The following CNTNAP2 variants were observed in gnomAD, a reference collection of about 807,000 sequenced individuals.
CNTNAP2 encodes the protein contactin associated protein 2.
Under a neutral mutation model 155.2 loss-of-function variants are expected in CNTNAP2, and 98 were observed. The observed-to-expected ratio is 0.63, with a 90% CI of 0.54 to 0.75. The LOEUF is 0.75. Among genes scored for constraint, CNTNAP2 ranks in the 30% least tolerant of loss-of-function variants. The probability of loss-of-function intolerance (pLI) is 0.00; values close to 1 mark genes in which losing one functional copy is unlikely to be tolerated. For synonymous variants in CNTNAP2, 651 were observed against 631.2 expected (o/e 1.03, Z -0.47); for missense variants, 1,727 against 1,688.1 (o/e 1.02, Z -0.40).
At chr7:147,189,043 A>G (rs895462092) in intron 8 of CNTNAP2, among the ~76,000 whole-genome samples, 60 of 152,190 alleles carry the variant, frequency 3.9e-4, no homozygotes, top group African/African-American at 1.4e-3. Flanking sequence ...GCAGTTGTAA[A>G]GAAAACAGAA....
chr7:146,638,222 C>A (rs998038841), intron 1 of CNTNAP2, among the ~76,000 whole-genome samples: 1 of 152,112 alleles, frequency 6.6e-6, no homozygotes, highest in Non-Finnish European at 1.5e-5. Flanking sequence ...AAACAATGAA[C>A]TGACAGTGAC....
intron 13 of CNTNAP2, among the ~76,000 whole-genome samples, chr7:147,694,934 T>A (rs1181874259): frequency 6.6e-6 from 1 of 152,216 alleles, no homozygotes; most frequent in Non-Finnish European, 1.5e-5. Context: ...GAAGTTTATA[T>A]GGCTGATTTT....
At chr7:148,242,136 G>C (rs1796168534) in intron 20 of CNTNAP2, among the ~76,000 whole-genome samples, 1 of 152,158 alleles carries the variant, frequency 6.6e-6, no homozygotes, top group Non-Finnish European at 1.5e-5. Context: ...GAAAACTAAA[G>C]TCCAATCTGC....
chr7:146,796,016 A>C (rs368639338), intron 2 of CNTNAP2, among the ~76,000 whole-genome samples: 14 of 152,246 alleles, frequency 9.2e-5, no homozygotes, highest in Admixed American at 8.5e-4. Flanking sequence ...AAAAATCATA[A>C]TGTTGATTAA....
At chr7:147,483,990 G>A (rs1006014934) in intron 10 of CNTNAP2, among the ~76,000 whole-genome samples, 3 of 130,428 alleles carry the variant, frequency 2.3e-5, no homozygotes, top group African/African-American at 8.9e-5. Context: ...TTCTTTTCAG[G>A]CCCGGGTGAA....
rs1800179409 is a variant in CNTNAP2 at position 146,277,254 on chromosome 7, T to C, written c.97+160281T>C. Reference sequence around the variant, plus strand: ...ACCTTGATTTTTGAACTTCTGGCTTTCAGAACTGTCAGAGAATATGTTTCT... The same window carrying C: ...ACCTTGATTTTTGAACTTCTGGCTTCCAGAACTGTCAGAGAATATGTTTCT... On this transcript the variant is annotated intron_variant, in intron 1 of 23. Coordinates refer to ENST00000361727, the MANE Select transcript of CNTNAP2 (RefSeq NM_014141.6). Among the ~76,000 whole-genome samples the C allele has an allele frequency of 2.0e-5, 3 of 152,134 alleles. No homozygotes were observed. In the South Asian group the frequency reaches 6.2e-4, roughly 32 times the overall value.
At chr7:147,527,010 C>T (rs1391989052) in intron 11 of CNTNAP2, among the ~76,000 whole-genome samples, 1 of 115,754 alleles carries the variant, frequency 8.6e-6, no homozygotes, top group African/African-American at 4.7e-5. Context: ...GGAAGACAGG[C>T]ATTTCTTTTT....
At chr7:147,234,683 T>C (rs1176281001) in intron 8 of CNTNAP2, among the ~76,000 whole-genome samples, 2 of 152,162 alleles carry the variant, frequency 1.3e-5, no homozygotes, top group East Asian at 3.9e-4. Flanking sequence ...GAGTCACATG[T>C]TGCAGCGAGT....
At chr7:147,115,608 CT>C (rs534974773) in intron 5 of CNTNAP2, among the ~76,000 whole-genome samples, 222 of 152,162 alleles carry the variant, frequency 1.5e-3, no homozygotes, top group African/African-American at 5.0e-3. Flanking sequence ...CTTGGTCTGC[CT>C]GCTATTAATA....
At chr7:147,469,170 A>G (rs1798169129) in intron 10 of CNTNAP2, among the ~76,000 whole-genome samples, 1 of 152,166 alleles carries the variant, frequency 6.6e-6, no homozygotes, top group African/African-American at 2.4e-5. Flanking sequence ...CTATAAAATT[A>G]AAACATGAAG....
chr7:147,132,415 T>A lies in CNTNAP2; in HGVS notation c.1254T>A (p.Asn418Lys). The A allele has an allele frequency of 1.2e-6, 2 of 1,613,698 alleles. No homozygotes were observed. Among genetic ancestry groups the A allele is most frequent in the Non-Finnish European group, 1.7e-6 (2 of 1,179,792 alleles). Residue 418 changes from asparagine to lysine, a missense_variant, in exon 8 of 24, where the codon AAT (asparagine) becomes AAA (lysine). Physicochemically the swap from Asn to Lys is moderately conservative, Grantham distance 94. Transcript: ENST00000361727. ...GLLVFSHFADNLGNVEIDLTE... is the reference protein window; with the variant it reads ...GLLVFSHFADKLGNVEIDLTE... The stretch of plus-strand genomic sequence containing the variant: ...TGGTCTTCAGTCACTTTGCGGATAA[T>A]TTGGGCAATGTGGAGATTGACCTCA...
At chr7:148,162,349 G>A (rs1257718414) in intron 17 of CNTNAP2, among the ~76,000 whole-genome samples, 1 of 152,132 alleles carries the variant, frequency 6.6e-6, no homozygotes, top group Non-Finnish European at 1.5e-5. Flanking sequence ...TACTAAAATA[G>A]CTGTTAATAA....
At chr7:146,714,708 T>C (rs1489721495) in intron 1 of CNTNAP2, among the ~76,000 whole-genome samples, 1 of 152,172 alleles carries the variant, frequency 6.6e-6, no homozygotes, top group Non-Finnish European at 1.5e-5. Flanking sequence ...TAAATAAAAA[T>C]GGGTTATTTC....
chr7:147,203,572 A>G (rs1312474976), intron 8 of CNTNAP2, among the ~76,000 whole-genome samples: 3 of 152,208 alleles, frequency 2.0e-5, no homozygotes, highest in African/African-American at 4.8e-5. Context: ...AGAAACCATG[A>G]GAATAGTCCA....
In CNTNAP2 at chr7:146,864,725, C is replaced by T. The variant is rs147265996; in HGVS notation, c.402+24821C>T. Among the ~76,000 whole-genome samples, 761 of 152,100 alleles carry T rather than the reference C, an allele frequency of 5.0e-3. 7 individuals carry two copies. The highest frequency in any genetic ancestry group is 0.017 in the African/African-American group (699 of 41,494). ...AGTAGTCAGGCTGGGCGCGGTGGCT[C>T]AAGCCTGTAATCTCAGTGCTTTGGG... On this transcript the variant is annotated intron_variant, in intron 3 of 23. Transcript: ENST00000361727.
At chr7:147,791,836 C>T (rs991340794) in intron 13 of CNTNAP2, among the ~76,000 whole-genome samples, 2 of 152,194 alleles carry the variant, frequency 1.3e-5, no homozygotes, top group South Asian at 2.1e-4. Context: ...TTCTTCTCTA[C>T]GTGGCCACAT....
At position 146,183,606 on chromosome 7, in the gene CNTNAP2, AAATAAT is replaced by A. The variant is rs55823511; in HGVS notation, c.97+66663_97+66668del. On this transcript the variant is annotated intron_variant, in intron 1 of 23. Coordinates refer to ENST00000361727, the MANE Select transcript of CNTNAP2 (RefSeq NM_014141.6). ...CCATCAGGAGAATTTATCACCACAC[AAATAAT>A]AATAATAATAATAATAATAATAATA... 7.8e-3 allele frequency among the ~76,000 whole-genome samples: 1,114 copies of A among 143,440 alleles called. 7 individuals carry two copies. The highest frequency in any genetic ancestry group is 0.022 in the African/African-American group (870 of 38,730). 94.1% of individuals were successfully genotyped at this position (143,440 alleles called of 152,430 possible). A position where few individuals can be genotyped will look rare whatever the true frequency, so the allele number is the denominator to read the frequency against.
intron 1 of CNTNAP2, among the ~76,000 whole-genome samples, chr7:146,361,714 A>G (rs1266602550): frequency 6.6e-6 from 1 of 152,208 alleles, no homozygotes; most frequent in African/African-American, 2.4e-5. Context: ...ATTAGATTTC[A>G]TCTGATTGGC....
chr7:146,432,582 A>T (rs1796187587), intron 1 of CNTNAP2, among the ~76,000 whole-genome samples: 1 of 152,146 alleles, frequency 6.6e-6, no homozygotes, highest in Non-Finnish European at 1.5e-5. Flanking sequence ...TTCTAGTGGA[A>T]GGAATGCTAG....
Sources: allele counts gnomAD v4.1 joint callset (sites outside exome capture counted in the v4.1 genomes callset), GRCh38; gene constraint gnomAD v4.1.1; transcripts MANE v1.5; gene names NCBI Gene and HGNC (gene_info 2026-07-23, HGNC 2026-07-21).